Variants in EPHB1 observed in about 807,000 individuals in gnomAD.
EPHB1 encodes the protein EPH receptor B1, also known as ephrin type-B receptor 1.
Under a neutral mutation model 94.4 loss-of-function variants are expected in EPHB1, and 30 were observed. The ratio of observed to expected loss-of-function variants is 0.32; its 90% CI spans 0.24 to 0.43. The LOEUF (loss-of-function observed/expected upper bound fraction) is 0.43, where lower values mean the gene tolerates loss of function less well. Ranked by LOEUF, EPHB1 falls within the 20% of genes least tolerant of loss-of-function variation. The pLI, the probability that EPHB1 is intolerant of heterozygous loss-of-function variation, is 1.00. For missense variants in EPHB1, 1,055 were observed against 1,308.3 expected (o/e 0.81, Z 2.99); for synonymous variants, 522 against 489.1 (o/e 1.07, Z -0.89).
In EPHB1 at chr3:134,795,489, C is replaced by G. The variant is rs1157512988; in HGVS notation, c.-143C>G. 3.9e-6 allele frequency: 3 copies of G among 763,182 alleles called. No homozygotes were observed. The allele number at this position is 763,182 out of a possible 1,614,324, so 47.3% of individuals were successfully genotyped here. On this transcript the variant is annotated 5_prime_UTR_variant, in exon 1 of 16. Coordinates refer to ENST00000398015, the MANE Select transcript of EPHB1 (RefSeq NM_004441.5). ...CACACTCCTGCCCACGCCCACGCAG[C>G]GCTCCGGGAAGTCCGGTCCGGGCGA...
At chr3:135,252,233 ACTTT>A (rs1933144899) in intron 15 of EPHB1, among the ~76,000 whole-genome samples, 1 of 150,970 alleles carries the variant, frequency 6.6e-6, no homozygotes, top group Non-Finnish European at 1.5e-5. Context: ...TTATTATTAT[ACTTT>A]AAGTTTTACG....
intron 7 of EPHB1, among the ~76,000 whole-genome samples, chr3:135,163,846 G>A (rs1559857574): frequency 6.6e-6 from 1 of 152,190 alleles, no homozygotes; most frequent in African/African-American, 2.4e-5. Flanking sequence ...TCACACATGG[G>A]TACGGATTAT....
At chr3:135,229,440 G>C (rs1267725428) in intron 12 of EPHB1, among the ~76,000 whole-genome samples, 5 of 152,190 alleles carry the variant, frequency 3.3e-5, no homozygotes, top group Admixed American at 3.3e-4. Context: ...ATAGCTGTTG[G>C]AGGGCGGGGG....
intron 3 of EPHB1, among the ~76,000 whole-genome samples, chr3:135,005,189 C>T (rs1285064378): frequency 6.6e-6 from 1 of 152,190 alleles, no homozygotes; most frequent in East Asian, 1.9e-4. Context: ...ACAGGACCCT[C>T]AGCTGCAGGT....
chr3:135,157,432 C>T (rs1421454482), intron 6 of EPHB1, among the ~76,000 whole-genome samples: 1 of 152,186 alleles, frequency 6.6e-6, no homozygotes, highest in African/African-American at 2.4e-5. Flanking sequence ...TGTAATTAAC[C>T]TCAACTTTTT....
At chr3:134,954,484 A>G (rs1289351268) in intron 3 of EPHB1, among the ~76,000 whole-genome samples, 1 of 152,176 alleles carries the variant, frequency 6.6e-6, no homozygotes, top group Non-Finnish European at 1.5e-5. Context: ...AATCATCATG[A>G]GGGCAGAAGC....
intron 3 of EPHB1, among the ~76,000 whole-genome samples, chr3:135,026,652 C>A (rs1233010923): frequency 7.4e-6 from 1 of 134,890 alleles, no homozygotes; most frequent in Middle Eastern, 3.7e-3. Flanking sequence ...TAGTGTGATG[C>A]CTCCAGCTTT....
intron 1 of EPHB1, among the ~76,000 whole-genome samples, chr3:134,847,422 C>T (rs1274844525): frequency 6.6e-6 from 1 of 152,206 alleles, no homozygotes; most frequent in Non-Finnish European, 1.5e-5. Context: ...AATGTGGACA[C>T]TCCACCTACT....
chr3:135,259,317 G>C lies in EPHB1; in HGVS notation c.*197G>C. On this transcript the variant is annotated 3_prime_UTR_variant, in exon 16 of 16. Transcript: ENST00000398015. ...GTGACAGAAGCATGTTTGAGATGCC[G>C]TGGGAAACCAAATATATAATAATAA... 2.2e-6 allele frequency: 1 copy of C among 447,576 alleles called. No homozygotes were observed. 27.7% of individuals were successfully genotyped at this position (447,576 alleles called of 1,614,324 possible).
At chr3:134,797,697 T>C (rs1298710362) in intron 1 of EPHB1, among the ~76,000 whole-genome samples, 3 of 152,068 alleles carry the variant, frequency 2.0e-5, no homozygotes, top group Non-Finnish European at 2.9e-5. Context: ...GCGGGTGCCA[T>C]TGTGTCAGAG....
At chr3:134,961,033 C>T (rs907768320) in intron 3 of EPHB1, among the ~76,000 whole-genome samples, 3 of 152,156 alleles carry the variant, frequency 2.0e-5, no homozygotes, top group African/African-American at 7.2e-5. Context: ...TGGCCTTCTC[C>T]TTCCTCATTC....
intron 1 of EPHB1, among the ~76,000 whole-genome samples, chr3:134,892,685 C>G (rs1198384815): frequency 6.6e-6 from 1 of 152,078 alleles, no homozygotes; most frequent in Non-Finnish European, 1.5e-5. Flanking sequence ...AAATTAGGCT[C>G]CATTTTTATT....
chr3:135,004,327 T>C (rs9868272), intron 3 of EPHB1, among the ~76,000 whole-genome samples: 43,953 of 149,662 alleles, frequency 0.29, 7,061 homozygotes, highest in Middle Eastern at 0.47. Context: ...CCGAGAGATC[T>C]GCTGTTAGTC....
At chr3:134,861,461 A>G (rs1245691137) in intron 1 of EPHB1, among the ~76,000 whole-genome samples, 2 of 152,120 alleles carry the variant, frequency 1.3e-5, no homozygotes, top group Admixed American at 6.5e-5. Context: ...CCAAGTGTAG[A>G]CTTGAGACTT....
intron 1 of EPHB1, among the ~76,000 whole-genome samples, chr3:134,905,330 G>A (rs543364705): frequency 2.6e-5 from 4 of 152,138 alleles, no homozygotes; most frequent in Non-Finnish European, 5.9e-5. Context: ...CATGCTGCTG[G>A]CCTACCAAAC....
intron 1 of EPHB1, among the ~76,000 whole-genome samples, chr3:134,900,573 C>A (rs1356742234): frequency 6.6e-6 from 1 of 152,108 alleles, no homozygotes; most frequent in Non-Finnish European, 1.5e-5. Context: ...CTTCCTCCTG[C>A]CCTCCTGCCT....
chr3:135,187,011 G>A (rs1335410650), intron 10 of EPHB1, among the ~76,000 whole-genome samples: 1 of 152,160 alleles, frequency 6.6e-6, no homozygotes, highest in African/African-American at 2.4e-5. Flanking sequence ...TGGGTTTTGG[G>A]AAAGTGCATT....
chr3:134,958,749 T>C (rs1280298562), intron 3 of EPHB1, among the ~76,000 whole-genome samples: 1 of 152,046 alleles, frequency 6.6e-6, no homozygotes, highest in Non-Finnish European at 1.5e-5. Context: ...TCAGATGTAA[T>C]TGGCTGTCTG....
At chr3:134,930,921 T>C (rs1241974512) in intron 2 of EPHB1, among the ~76,000 whole-genome samples, 1 of 152,240 alleles carries the variant, frequency 6.6e-6, no homozygotes, top group Non-Finnish European at 1.5e-5. Context: ...TCTCTTGCAC[T>C]GGTCAGAGAA....
Sources: allele counts gnomAD v4.1 joint callset (sites outside exome capture counted in the v4.1 genomes callset), GRCh38; gene constraint gnomAD v4.1.1; transcripts MANE v1.5; gene names NCBI Gene and HGNC (gene_info 2026-07-23, HGNC 2026-07-21).